Variants in RBFOX1 observed in about 807,000 individuals in gnomAD.
RBFOX1 encodes the protein RNA binding fox-1 homolog 1.
Under a neutral mutation model 57.7 loss-of-function variants are expected in RBFOX1, and 8 were observed. That is an observed-to-expected ratio of 0.14 (90% CI 0.08 to 0.25). The LOEUF (loss-of-function observed/expected upper bound fraction) is 0.25. Ranked by LOEUF, RBFOX1 falls within the 10% of genes least tolerant of loss-of-function variation. The probability of loss-of-function intolerance (pLI) is 1.00; values close to 1 mark genes in which losing one functional copy is unlikely to be tolerated. For missense variants in RBFOX1, 611 were observed against 548.5 expected (o/e 1.11, Z -1.14); for synonymous variants, 326 against 222.4 (o/e 1.47, Z -4.15).
chr16:6,005,290 C>A (rs77138941), intron 4 of RBFOX1, among the ~76,000 whole-genome samples: 1 of 152,312 alleles, frequency 6.6e-6, no homozygotes, highest in Non-Finnish European at 1.5e-5. Context: ...CTTCCAGGAA[C>A]TCCATTTCTT....
rs62017687 is a variant in RBFOX1 at position 6,914,577 on chromosome 16, C to G, written c.-15-137480C>G. Among the ~76,000 whole-genome samples, 33 of 151,688 alleles carry G rather than the reference C, an allele frequency of 2.2e-4. No individual in the cohort carries two copies. The East Asian group carries it at 5.6e-3, about 26-fold the overall frequency. ...GAAAACAAAAATAAAAAAAAAAACC[C>G]AAAACAGGGATCAAGGCCAGGAGCA... On this transcript the variant is annotated intron_variant, in intron 3 of 15. Coordinates refer to ENST00000550418, the MANE Select transcript of RBFOX1 (RefSeq NM_018723.4).
intron 5 of RBFOX1, among the ~76,000 whole-genome samples, chr16:7,577,145 A>C (rs143703889): frequency 0.011 from 1,750 of 152,358 alleles, 15 homozygotes; most frequent in Middle Eastern, 0.027. Flanking sequence ...TTCGTGTACT[A>C]ATAATTCATT....
intron 1 of RBFOX1, among the ~76,000 whole-genome samples, chr16:5,268,970 A>T (rs2062933061): frequency 6.6e-6 from 1 of 151,078 alleles, no homozygotes; most frequent in South Asian, 2.1e-4. Context: ...GCTAGAGTGC[A>T]GTGGCACAAT....
Position 7,182,652 on chromosome 16 carries a change from C to T in RBFOX1, c.27+130554C>T, listed in dbSNP as rs759634232. On this transcript the variant is annotated intron_variant, in intron 4 of 15. Transcript: ENST00000550418. ...AATATTCCATAGATTCCAGAGGATTCCAGAGGAGGAAGAGCGGCAGGAAGT... is the reference window on the plus strand; with the variant it reads ...AATATTCCATAGATTCCAGAGGATTTCAGAGGAGGAAGAGCGGCAGGAAGT... Among the ~76,000 whole-genome samples, 31 of 152,260 alleles carry T rather than the reference C, an allele frequency of 2.0e-4. 1 individual carries two copies. The highest frequency in any genetic ancestry group is 1.6e-3 in the Admixed American group (25 of 15,288).
At chr16:7,578,979 A>G (rs771718469) in intron 5 of RBFOX1, among the ~76,000 whole-genome samples, 1 of 152,200 alleles carries the variant, frequency 6.6e-6, no homozygotes, top group East Asian at 1.9e-4. Context: ...ATGATGTTAC[A>G]TGGTCTAGGC....
rs542191609 is a variant in RBFOX1 at position 7,379,517 on chromosome 16, T to C, written c.28-138630T>C. On this transcript the variant is annotated intron_variant, in intron 4 of 15. Transcript: ENST00000550418. ...GGATAATTTACTAAAAAATTTAAAA[T>C]ACACTGGAGTTTTAGTACTTTCTGC... 9.6e-4 allele frequency among the ~76,000 whole-genome samples: 146 copies of C among 152,306 alleles called. 2 individuals are homozygous for C. In the South Asian group the frequency reaches 0.016, roughly 17 times the overall value.
intron 4 of RBFOX1, among the ~76,000 whole-genome samples, chr16:7,214,952 A>C (rs1401589227): frequency 6.6e-6 from 1 of 152,088 alleles, no homozygotes. Context: ...GGTTTGTTAC[A>C]TAGGTGTCCA....
intron 3 of RBFOX1, among the ~76,000 whole-genome samples, chr16:6,905,895 C>T (rs991394285): frequency 6.6e-6 from 1 of 152,190 alleles, no homozygotes; most frequent in Admixed American, 6.5e-5. Flanking sequence ...AAGTGAGTGT[C>T]CACAGGCTTT....
intron 3 of RBFOX1, among the ~76,000 whole-genome samples, chr16:6,732,419 C>T (rs528127822): frequency 2.6e-5 from 4 of 152,218 alleles, no homozygotes; most frequent in East Asian, 3.9e-4. Context: ...GGCCCAAGCA[C>T]CTGCACTGCA....
rs117489874 is a variant in RBFOX1, at chr16:6,258,279, C to T, written c.-126-58716C>T. Among the ~76,000 whole-genome samples, 883 of 152,242 alleles carry T rather than the reference C, an allele frequency of 5.8e-3. 4 individuals carry two copies. Among genetic ancestry groups the T allele is most frequent in the Middle Eastern group, 0.017 (5 of 294 alleles). ...CATATTGCATAATCAACCAAAATAG[C>T]CCCAGAAGTGATTATGCTTGAAGCT... On this transcript the variant is annotated intron_variant, in intron 1 of 15. Transcript: ENST00000550418.
At chr16:6,745,798 A>G (rs932273503) in intron 3 of RBFOX1, among the ~76,000 whole-genome samples, 9 of 152,212 alleles carry the variant, frequency 5.9e-5, no homozygotes, top group Non-Finnish European at 1.2e-4. Flanking sequence ...AATGAGCAAG[A>G]AAAGGAGGTA....
intron 10 of RBFOX1, among the ~76,000 whole-genome samples, chr16:7,610,434 C>T (rs2141420220): frequency 6.6e-6 from 1 of 151,730 alleles, no homozygotes; most frequent in South Asian, 2.1e-4. Flanking sequence ...CTCCTATGAT[C>T]ATGCTACTGC....
At chr16:5,652,531 C>A (rs913345773) in intron 3 of RBFOX1, among the ~76,000 whole-genome samples, 1 of 152,172 alleles carries the variant, frequency 6.6e-6, no homozygotes, top group Admixed American at 6.5e-5. Flanking sequence ...CAGGATTATA[C>A]TAGGGTCACC....
chr16:6,563,606 G>A (rs921106632), intron 2 of RBFOX1, among the ~76,000 whole-genome samples: 3 of 152,134 alleles, frequency 2.0e-5, no homozygotes, highest in African/African-American at 7.2e-5. Context: ...CACTTTGCGA[G>A]GCCAAGGTAG....
intron 2 of RBFOX1, among the ~76,000 whole-genome samples, chr16:6,344,251 A>C (rs936881544): frequency 6.6e-6 from 1 of 151,942 alleles, no homozygotes; most frequent in Non-Finnish European, 1.5e-5. Context: ...GGGTTTCACC[A>C]TGTTGGCCAG....
chr16:6,431,775 C>G (rs1332366462), intron 2 of RBFOX1, among the ~76,000 whole-genome samples: 1 of 152,062 alleles, frequency 6.6e-6, no homozygotes, highest in Non-Finnish European at 1.5e-5. Flanking sequence ...TGGAGCAAAT[C>G]ATTCTTGGTG....
chr16:6,209,759 C>G (rs551427699), intron 1 of RBFOX1, among the ~76,000 whole-genome samples: 6 of 152,250 alleles, frequency 3.9e-5, no homozygotes, highest in Non-Finnish European at 7.4e-5. Flanking sequence ...GGAAGCAGGT[C>G]GTGAACCAGA....
At chr16:6,909,655 T>G (rs1427775876) in intron 3 of RBFOX1, among the ~76,000 whole-genome samples, 1 of 152,154 alleles carries the variant, frequency 6.6e-6, no homozygotes. Context: ...AATTATCAAG[T>G]GAGGATAGAG....
intron 4 of RBFOX1, among the ~76,000 whole-genome samples, chr16:7,426,401 G>C (rs753737797): frequency 1.3e-5 from 2 of 152,090 alleles, no homozygotes; most frequent in Non-Finnish European, 2.9e-5. Flanking sequence ...TGCCGAATTG[G>C]GCCTGTTTTC....
Sources: allele counts gnomAD v4.1 joint callset (sites outside exome capture counted in the v4.1 genomes callset), GRCh38; gene constraint gnomAD v4.1.1; transcripts MANE v1.5; gene names NCBI Gene and HGNC (gene_info 2026-07-23, HGNC 2026-07-21).